The following VMP1 variants were observed in gnomAD, a reference collection of about 807,000 sequenced individuals.
VMP1 encodes the protein ectopic P-granules autophagy protein 3 homolog.
A neutral mutation model predicts 56.0 loss-of-function variants in VMP1; 11 were observed. The ratio of observed to expected loss-of-function variants is 0.20; its 90% CI spans 0.12 to 0.32. VMP1 has a LOEUF of 0.32. VMP1 is among the 10% of genes least tolerant of loss of function. The pLI is 1.00. For missense variants in VMP1, 296 were observed against 490.3 expected, an observed-to-expected ratio of 0.60 and a Z score of 3.74; for synonymous variants, 149 against 165.0, an observed-to-expected ratio of 0.90 and a Z score of 0.74.
chr17:59,808,701 C>T, intron 7 of VMP1, 95 bp from the exon 8 acceptor site: 9 of 943,450 alleles, frequency 9.5e-6, no homozygotes, highest in African/African-American at 1.6e-5. Flanking sequence ...TAATCAGTGT[C>T]ATCAGATTGG....
chr17:59,785,875 T>C (rs1184935914), intron 7 of VMP1, among the ~76,000 whole-genome samples: 1 of 152,138 alleles, frequency 6.6e-6, no homozygotes, highest in Non-Finnish European at 1.5e-5. Flanking sequence ...TTTTAGGTTC[T>C]ATTTAGGACT....
At chr17:59,730,697 A>T (rs1231524225) in intron 1 of VMP1, among the ~76,000 whole-genome samples, 1 of 152,226 alleles carries the variant, frequency 6.6e-6, no homozygotes, top group Non-Finnish European at 1.5e-5. Flanking sequence ...GTTTTGCTTT[A>T]CTAACACCTG....
intron 10 of VMP1, among the ~76,000 whole-genome samples, chr17:59,826,166 C>T (rs981481632): frequency 6.6e-6 from 1 of 152,134 alleles, no homozygotes; most frequent in Non-Finnish European, 1.5e-5. Flanking sequence ...TTGGGAAAAC[C>T]CCTTTCTCTT....
At chr17:59,779,602 C>A (rs2036747907) in intron 7 of VMP1, among the ~76,000 whole-genome samples, 1 of 152,154 alleles carries the variant, frequency 6.6e-6, no homozygotes, top group Non-Finnish European at 1.5e-5. Flanking sequence ...GTTCTCATTT[C>A]TGTTTTCTAT....
chr17:59,800,877 C>G (rs1466356404), intron 7 of VMP1, among the ~76,000 whole-genome samples: 1 of 151,790 alleles, frequency 6.6e-6, no homozygotes, highest in Admixed American at 6.6e-5. Context: ...GTCAGGAGTT[C>G]GAGACCAGCC....
chr17:59,773,902 T>C lies in VMP1; in HGVS notation c.714+17T>C, dbSNP rs771519073. On this transcript the variant is annotated intron_variant, in intron 7 of 11. Transcript: ENST00000262291. The stretch of plus-strand genomic sequence containing the variant: ...TCTGCACAAGTAAGAACAGTGGGGA[T>C]AGAAAATAGAACACTTTACTTCTTC... 2 of 1,584,354 alleles carry C rather than the reference T, an allele frequency of 1.3e-6. No homozygotes were observed. Among genetic ancestry groups the C allele is most frequent in the South Asian group, 2.3e-5 (2 of 86,916 alleles).
At chr17:59,781,159 G>C (rs749791646) in intron 7 of VMP1, among the ~76,000 whole-genome samples, 2 of 152,124 alleles carry the variant, frequency 1.3e-5, no homozygotes, top group Non-Finnish European at 2.9e-5. Flanking sequence ...CTTGTTCAAA[G>C]GAGAGTTTCT....
chr17:59,791,821 A>G (rs940637654), intron 7 of VMP1, among the ~76,000 whole-genome samples: 14 of 152,092 alleles, frequency 9.2e-5, no homozygotes, highest in Non-Finnish European at 1.9e-4. Flanking sequence ...CGTTGTCTGT[A>G]TTGAAGATGA....
At chr17:59,794,907 A>G (rs2037380291) in intron 7 of VMP1, among the ~76,000 whole-genome samples, 1 of 152,038 alleles carries the variant, frequency 6.6e-6, no homozygotes, top group East Asian at 1.9e-4. Context: ...AAGAACAAGC[A>G]TTCAGGAGAA....
intron 1 of VMP1, among the ~76,000 whole-genome samples, chr17:59,710,928 C>T (rs1188768698): frequency 6.6e-6 from 1 of 152,108 alleles, no homozygotes; most frequent in Non-Finnish European, 1.5e-5. Flanking sequence ...AAAAAATTAG[C>T]TGGGTGTGGT....
intron 5 of VMP1, among the ~76,000 whole-genome samples, chr17:59,761,117 A>G (rs1376787028): frequency 7.4e-6 from 1 of 135,016 alleles, no homozygotes; most frequent in Non-Finnish European, 1.6e-5. Flanking sequence ...TGGCCAGGCT[A>G]GTCTCGAACT....
intron 7 of VMP1, 135 bp downstream of exon 7, chr17:59,774,020 TGA>T: frequency 2.1e-6 from 2 of 959,070 alleles, no homozygotes; most frequent in Non-Finnish European, 2.8e-6. Flanking sequence ...AAATATTGCT[TGA>T]GATAGAATAT....
intron 5 of VMP1, among the ~76,000 whole-genome samples, chr17:59,752,731 T>C (rs1270452908): frequency 1.3e-5 from 2 of 152,160 alleles, no homozygotes; most frequent in East Asian, 1.9e-4. Context: ...AAATAACTTA[T>C]GGATTAAGTT....
chr17:59,735,601 AG>A (rs2034989520), intron 3 of VMP1, 128 bp downstream of exon 3: 1 of 993,130 alleles, frequency 1.0e-6, no homozygotes, highest in South Asian at 1.8e-5. Flanking sequence ...ATATTACCAT[AG>A]GAACATATTT....
chr17:59,716,317 A>G (rs538134663), intron 1 of VMP1, among the ~76,000 whole-genome samples: 1 of 152,322 alleles, frequency 6.6e-6, no homozygotes, highest in South Asian at 2.1e-4. Context: ...AGGGAGTTTC[A>G]GATAGTTTCA....
rs547661515 is a variant in VMP1, at chr17:59,769,714, C to T, written c.583-4040C>T. Among the ~76,000 whole-genome samples the T allele has an allele frequency of 3.0e-4, 45 of 152,296 alleles. 1 individual carries two copies. The South Asian group carries it at 8.5e-3, about 29-fold the overall frequency. On this transcript the variant is annotated intron_variant, in intron 6 of 11. Coordinates refer to ENST00000262291, the MANE Select transcript of VMP1 (RefSeq NM_030938.5). ...CTTTCTGAATTATTGCTTGACTGTA[C>T]ATACCACTTATTTTGCAGTAAGGAA...
intron 10 of VMP1, among the ~76,000 whole-genome samples, chr17:59,822,573 C>T (rs1442949365): frequency 6.6e-6 from 1 of 151,978 alleles, no homozygotes; most frequent in Non-Finnish European, 1.5e-5. Context: ...GATCCACCTG[C>T]CTCGGCCCAC....
At chr17:59,808,938 T>A in intron 8 of VMP1, 62 bp downstream of exon 8, 1 of 1,365,750 alleles carries the variant, frequency 7.3e-7, no homozygotes, top group East Asian at 2.3e-5. Flanking sequence ...TTGATCCATA[T>A]ATACTCCTGA....
At position 59,776,658 on chromosome 17, in the gene VMP1, G is replaced by A. The variant is rs577489343; in HGVS notation, c.714+2773G>A. 7.2e-5 allele frequency among the ~76,000 whole-genome samples: 11 copies of A among 152,262 alleles called. No homozygotes were observed. The South Asian group carries it at 1.0e-3, about 14-fold the overall frequency. Reference sequence around the variant, plus strand: ...AATGCCAGCATTACTGGTATATTCCGATTACTGAAACCAGTCTGTCCACAG... The same window carrying A: ...AATGCCAGCATTACTGGTATATTCCAATTACTGAAACCAGTCTGTCCACAG... On this transcript the variant is annotated intron_variant, in intron 7 of 11. Transcript: ENST00000262291.
Sources: allele counts gnomAD v4.1 joint callset (sites outside exome capture counted in the v4.1 genomes callset), GRCh38; gene constraint gnomAD v4.1.1; transcripts MANE v1.5; gene names NCBI Gene and HGNC (gene_info 2026-07-23, HGNC 2026-07-21).